Variants in MYO16 observed in about 807,000 individuals in gnomAD.
The protein encoded by MYO16 is myosin XVI.
A neutral mutation model predicts 205.3 loss-of-function variants in MYO16; 94 were observed. The observed-to-expected ratio is 0.46, with a 90% CI of 0.39 to 0.54. The LOEUF is 0.54. MYO16 is among the 20% of genes least tolerant of loss of function. MYO16 has a pLI of 0.00. For synonymous variants in MYO16, 988 were observed against 954.0 expected, an observed-to-expected ratio of 1.04 and a Z score of -0.66; for missense variants, 2,315 against 2,387.5, an observed-to-expected ratio of 0.97 and a Z score of 0.63.
chr13:109,177,277 C>T (rs2139909381), intron 33 of MYO16, among the ~76,000 whole-genome samples: 1 of 152,302 alleles, frequency 6.6e-6, no homozygotes, highest in Admixed American at 6.5e-5. Flanking sequence ...GTGTGTTTGG[C>T]CTCAGTGCCA....
the MYO16 span, among the ~76,000 whole-genome samples, chr13:108,528,147 CT>C: frequency 6.6e-6 from 1 of 152,152 alleles, no homozygotes; most frequent in Non-Finnish European, 1.5e-5. Context: ...AGAGGTGAAG[CT>C]TTAAGCAATT....
At chr13:108,566,809 G>T in the MYO16 span, among the ~76,000 whole-genome samples, 9 of 151,948 alleles carry the variant, frequency 5.9e-5, no homozygotes, top group Middle Eastern at 6.8e-3. Context: ...AATTGAGTGG[G>T]TGTTTAACTT....
At chr13:109,133,631 G>A (rs1876639897) in intron 31 of MYO16, among the ~76,000 whole-genome samples, 1 of 152,144 alleles carries the variant, frequency 6.6e-6, no homozygotes. Context: ...GCTACTGTTA[G>A]GATCCCAGAA....
rs1177792101 is a variant in MYO16 at position 108,652,727 on chromosome 13, G to A, written c.29-13159G>A. On this transcript the variant is annotated intron_variant, in intron 1 of 34. Coordinates refer to ENST00000457511, the MANE Select transcript of MYO16 (RefSeq NM_001198950.3). ...TCCATCCATGTTGTGGCATGTACAA[G>A]AACCTCTTCCACTGTAGGCTGAATA... 2.0e-5 allele frequency among the ~76,000 whole-genome samples: 3 copies of A among 152,218 alleles called. No homozygotes were observed. In the South Asian group the frequency reaches 6.2e-4, roughly 32 times the overall value.
chr13:108,586,948 T>C, the MYO16 span, among the ~76,000 whole-genome samples: 1 of 152,226 alleles, frequency 6.6e-6, no homozygotes, highest in Admixed American at 6.5e-5. Context: ...GTTTTCTTTG[T>C]TACCAAAAAC....
At chr13:109,074,504 G>A (rs887107852) in intron 27 of MYO16, among the ~76,000 whole-genome samples, 1 of 152,154 alleles carries the variant, frequency 6.6e-6, no homozygotes, top group Admixed American at 6.5e-5. Flanking sequence ...AGCAAGGGGG[G>A]AAGTGCCACA....
chr13:108,982,568 C>T (rs559585348), intron 20 of MYO16, among the ~76,000 whole-genome samples: 14 of 152,126 alleles, frequency 9.2e-5, no homozygotes, highest in Non-Finnish European at 1.9e-4. Flanking sequence ...TGTCTACATG[C>T]ATATACAGTA....
chr13:109,011,703 C>T (rs932206518), intron 22 of MYO16, among the ~76,000 whole-genome samples: 2 of 151,742 alleles, frequency 1.3e-5, no homozygotes, highest in Middle Eastern at 3.2e-3. Context: ...TTAGTAGAGA[C>T]AGGGTTTCAC....
chr13:109,000,638 A>G (rs1885182346), intron 21 of MYO16, among the ~76,000 whole-genome samples: 1 of 152,198 alleles, frequency 6.6e-6, no homozygotes, highest in South Asian at 2.1e-4. Context: ...TTTGAAAAAT[A>G]TTGAACAATT....
chr13:108,725,369 T>G (rs1305714591), intron 3 of MYO16, among the ~76,000 whole-genome samples: 1 of 152,170 alleles, frequency 6.6e-6, no homozygotes. Context: ...ACAGAGTAAA[T>G]TTTGCCTTGT....
At chr13:108,825,748 A>G (rs1876226505) in intron 9 of MYO16, among the ~76,000 whole-genome samples, 1 of 152,032 alleles carries the variant, frequency 6.6e-6, no homozygotes, top group African/African-American at 2.4e-5. Flanking sequence ...GGCAATACCC[A>G]TGATCAAGGC....
chr13:109,138,743 T>TTAAA (rs1461236886), intron 31 of MYO16, among the ~76,000 whole-genome samples: 2 of 152,086 alleles, frequency 1.3e-5, no homozygotes, highest in Non-Finnish European at 2.9e-5. Context: ...AAGTCCTTTT[T>TTAAA]TAAAGTCTCT....
At chr13:109,054,250 G>A in intron 25 of MYO16, 1 of 317,600 alleles carries the variant, frequency 3.1e-6, no homozygotes, top group Non-Finnish European at 6.4e-6. Context: ...TTCTTTTCAG[G>A]GCTGCACATA....
intron 6 of MYO16, among the ~76,000 whole-genome samples, chr13:108,796,924 AAAAATT>A (rs60743084): frequency 0.39 from 59,115 of 150,654 alleles, 11,713 homozygotes; most frequent in Middle Eastern, 0.5. Flanking sequence ...TATAATTTAA[AAAAATT>A]AAAATTAAAA....
At chr13:108,766,609 T>C (rs899478965) in intron 4 of MYO16, among the ~76,000 whole-genome samples, 4 of 152,222 alleles carry the variant, frequency 2.6e-5, no homozygotes, top group Non-Finnish European at 4.4e-5. Context: ...CAGTAAAGAA[T>C]GTAACATTTT....
the MYO16 span, among the ~76,000 whole-genome samples, chr13:108,568,629 G>T: frequency 4.6e-5 from 7 of 152,034 alleles, no homozygotes; most frequent in African/African-American, 1.4e-4. Context: ...CCATGGTGTG[G>T]GTTGTCTTCC....
intron 22 of MYO16, among the ~76,000 whole-genome samples, chr13:109,012,459 G>A (rs992065675): frequency 1.3e-5 from 2 of 152,070 alleles, no homozygotes; most frequent in Non-Finnish European, 2.9e-5. Context: ...TATGAGAATC[G>A]AATGCCTGAT....
chr13:108,604,443 A>G (rs1411369246), intron 1 of MYO16, among the ~76,000 whole-genome samples: 1 of 152,242 alleles, frequency 6.6e-6, no homozygotes, highest in Non-Finnish European at 1.5e-5. Flanking sequence ...AGTAACATTT[A>G]GAGAAGTATA....
rs1881180573 is a variant in MYO16 at position 108,910,003 on chromosome 13, C to T, written c.1778C>T (p.Ala593Val). 2 of 1,609,822 alleles carry T rather than the reference C, an allele frequency of 1.2e-6. No homozygotes were observed. The change falls in exon 16 of 35, where the codon GCC becomes GTC. Residue 593 changes from alanine to valine, a missense_variant and splice_region_variant. Coordinates refer to ENST00000457511, the MANE Select transcript of MYO16 (RefSeq NM_001198950.3). ...GAATCACTTTTCTTTTCCCAACCAG[C>T]CAGAATTTATACATATTTGCTAGAG... ...FCERKQQLTG[A>V]RIYTYLLEKS...
Sources: gnomAD v4.1 joint callset for allele counts (sites outside exome capture counted in the v4.1 genomes callset) on GRCh38, gnomAD v4.1.1 for gene constraint, MANE v1.5 for transcripts, NCBI Gene and HGNC (gene_info 2026-07-23, HGNC 2026-07-21) for gene names.